The following CACNA2D1 variants were observed in gnomAD, a reference collection of about 807,000 sequenced individuals.
The protein encoded by CACNA2D1 is voltage-dependent calcium channel subunit alpha-2/delta-1.
CACNA2D1 carries 53 observed loss-of-function variants against 171.5 expected under a neutral mutation model. That is an observed-to-expected ratio of 0.31 (90% CI 0.25 to 0.39). CACNA2D1 has a LOEUF of 0.39. CACNA2D1 is among the 10% of genes least tolerant of loss of function. CACNA2D1 has a pLI of 1.00. For missense variants in CACNA2D1, 903 were observed against 1,299.8 expected (o/e 0.69, Z 4.69); for synonymous variants, 442 against 443.1 (o/e 1.00, Z 0.03).
intron 10 of CACNA2D1, among the ~76,000 whole-genome samples, chr7:82,043,737 G>C (rs996199627): frequency 2.0e-5 from 3 of 152,150 alleles, no homozygotes; most frequent in Admixed American, 1.3e-4. Context: ...TCTGAGAAGA[G>C]GGACTCTGCT....
chr7:82,158,424 T>C (rs1258823170), intron 4 of CACNA2D1, among the ~76,000 whole-genome samples: 2 of 151,728 alleles, frequency 1.3e-5, no homozygotes, highest in Non-Finnish European at 2.9e-5. Context: ...CAGGTTGCTA[T>C]ATACCTTGCA....
At chr7:82,155,359 G>C (rs1400358763) in intron 4 of CACNA2D1, among the ~76,000 whole-genome samples, 1 of 152,174 alleles carries the variant, frequency 6.6e-6, no homozygotes, top group African/African-American at 2.4e-5. Flanking sequence ...CTGATGTTCA[G>C]GTAGGTAAGC....
intron 3 of CACNA2D1, among the ~76,000 whole-genome samples, chr7:82,235,690 T>C (rs1051569303): frequency 5.9e-5 from 9 of 152,132 alleles, no homozygotes; most frequent in Non-Finnish European, 1.0e-4. Context: ...CATGTTTTTA[T>C]AATATCTGGA....
chr7:82,107,862 A>T (rs1161663375), intron 6 of CACNA2D1, among the ~76,000 whole-genome samples: 3 of 152,016 alleles, frequency 2.0e-5, no homozygotes, highest in African/African-American at 7.2e-5. Flanking sequence ...GGGATTATAG[A>T]CATTAGCGTC....
chr7:82,269,727 T>A (rs967712940), intron 3 of CACNA2D1, among the ~76,000 whole-genome samples: 2 of 152,180 alleles, frequency 1.3e-5, no homozygotes, highest in Non-Finnish European at 2.9e-5. Flanking sequence ...TCTGAGTGAA[T>A]GATTGAGGCA....
intron 38 of CACNA2D1, among the ~76,000 whole-genome samples, chr7:81,952,714 C>G (rs1199176340): frequency 6.6e-6 from 1 of 152,090 alleles, no homozygotes; most frequent in East Asian, 1.9e-4. Context: ...ACTTCTCTCT[C>G]CTTTCTTCTT....
intron 1 of CACNA2D1, among the ~76,000 whole-genome samples, chr7:82,384,632 T>C (rs1247006788): frequency 1.4e-5 from 2 of 146,884 alleles, no homozygotes; most frequent in African/African-American, 5.3e-5. Flanking sequence ...AAAAGTGAAG[T>C]GAAGAAGAGG....
chr7:82,237,200 A>T (rs1190956978), intron 3 of CACNA2D1, among the ~76,000 whole-genome samples: 1 of 151,976 alleles, frequency 6.6e-6, no homozygotes, highest in Non-Finnish European at 1.5e-5. Flanking sequence ...TCTAAAAAAA[A>T]TTTTACAAGT....
chr7:82,248,971 G>C (rs553371227), intron 3 of CACNA2D1, among the ~76,000 whole-genome samples: 1 of 152,192 alleles, frequency 6.6e-6, no homozygotes. Flanking sequence ...CAAAAAATTA[G>C]CTGGGCGTGG....
At chr7:82,169,939 A>G (rs1305540459) in intron 4 of CACNA2D1, among the ~76,000 whole-genome samples, 1 of 151,754 alleles carries the variant, frequency 6.6e-6, no homozygotes, top group Non-Finnish European at 1.5e-5. Flanking sequence ...AATTTCTGCT[A>G]TTTCTATAAA....
chr7:82,138,449 GTTTTTTTTTTT>G (rs5885271), intron 4 of CACNA2D1, among the ~76,000 whole-genome samples: 1 of 101,584 alleles, frequency 9.8e-6, no homozygotes, highest in Non-Finnish European at 2.1e-5. Flanking sequence ...TGTTTTTTTT[GTTTTTTTTTTT>G]TTTTGAGACA....
intron 7 of CACNA2D1, among the ~76,000 whole-genome samples, chr7:82,077,759 T>A (rs1250582744): frequency 1.1e-4 from 16 of 145,112 alleles, no homozygotes; most frequent in African/African-American, 1.3e-4. Context: ...AATGTTAAAG[T>A]AAAAAAAAAA....
chr7:82,099,424 T>TAAACAGGAAGGTAGGAGTGTGTG (rs1563046125), intron 6 of CACNA2D1, among the ~76,000 whole-genome samples: 3 of 33,414 alleles, frequency 9.0e-5, no homozygotes, highest in South Asian at 1.1e-3. Flanking sequence ...AATACCTTCT[T>TAAACAGGAAGGTAGGAGTGTGTG]TTTTTTTTTT....
At chr7:82,340,583 A>T (rs751731920) in intron 2 of CACNA2D1, among the ~76,000 whole-genome samples, 1 of 152,068 alleles carries the variant, frequency 6.6e-6, no homozygotes, top group Non-Finnish European at 1.5e-5. Context: ...AACATTATTT[A>T]TTTATTATAA....
At chr7:82,228,588 G>C (rs905818955) in intron 3 of CACNA2D1, among the ~76,000 whole-genome samples, 1 of 152,126 alleles carries the variant, frequency 6.6e-6, no homozygotes, top group African/African-American at 2.4e-5. Context: ...GCCTGTGATT[G>C]TATGACTTCA....
chr7:82,094,400 C>T lies in CACNA2D1; in HGVS notation c.527-9500G>A, dbSNP rs890430501. On this transcript the variant is annotated intron_variant, in intron 6 of 38. Transcript: ENST00000356860. ...CATGTATAGAGATTGTCCACATATA[C>T]ATGTATGCATACATACATGCAGAAC... Among the ~76,000 whole-genome samples the T allele has an allele frequency of 2.0e-5, 3 of 152,198 alleles. No individual in the cohort carries two copies. The Middle Eastern group carries it at 0.01, about 518-fold the overall frequency.
chr7:82,016,692 A>G (rs961070495), intron 12 of CACNA2D1, among the ~76,000 whole-genome samples: 2 of 144,964 alleles, frequency 1.4e-5, no homozygotes, highest in African/African-American at 2.5e-5. Flanking sequence ...GTTTGCTTAC[A>G]TGGACCCCTC....
In CACNA2D1 at chr7:82,443,355, G is replaced by A. The variant is rs757840920; in HGVS notation, c.95+10C>T. The A allele has an allele frequency of 4.1e-5, 65 of 1,590,612 alleles. No individual in the cohort carries two copies. The highest frequency in any genetic ancestry group is 4.6e-5 in the Non-Finnish European group (54 of 1,167,982). Reference sequence around the variant, plus strand: ...TCGGCCGGCGCTCCCTGCCCGGCCCGCCGACTTACGTGACGGCCGAAGGGA... The same window carrying A: ...TCGGCCGGCGCTCCCTGCCCGGCCCACCGACTTACGTGACGGCCGAAGGGA... On this transcript the variant is annotated intron_variant, in intron 1 of 38. Transcript: ENST00000356860.
chr7:82,228,011 C>T (rs533419563), intron 3 of CACNA2D1, among the ~76,000 whole-genome samples: 19 of 152,064 alleles, frequency 1.2e-4, no homozygotes, highest in South Asian at 6.2e-4. Flanking sequence ...CTAGAGTGTG[C>T]GTGGGGCCAG....
Sources: gnomAD v4.1 joint callset for allele counts (sites outside exome capture counted in the v4.1 genomes callset) on GRCh38, gnomAD v4.1.1 for gene constraint, MANE v1.5 for transcripts, NCBI Gene and HGNC (gene_info 2026-07-23, HGNC 2026-07-21) for gene names.